The following GPR142 variants were observed in gnomAD, a reference collection of about 807,000 sequenced individuals.
GPR142 encodes G protein-coupled receptor 142, also known as G-protein coupled receptor 142 long form.
GPR142 carries 9 observed loss-of-function variants against 10.6 expected under a neutral mutation model. The observed-to-expected ratio is 0.85, with a 90% CI of 0.51 to 1.48. The LOEUF (loss-of-function observed/expected upper bound fraction) is 1.48. Among genes scored for constraint, GPR142 ranks in the 40% most tolerant of loss-of-function variants. GPR142 has a pLI of 0.00. For missense variants in GPR142, 482 were observed against 506.0 expected (o/e 0.95, Z 0.45); for synonymous variants, 202 against 221.2 (o/e 0.91, Z 0.77).
At chr17:74,370,753 C>A in intron 3 of GPR142, 74 bp downstream of exon 3, 1 of 1,443,928 alleles carries the variant, frequency 6.9e-7, no homozygotes, top group Non-Finnish European at 9.5e-7. Context: ...GGTGCCAGTC[C>A]TCTGTGTTTG....
chr17:74,367,826 C>G, intron 1 of GPR142, 32 bp downstream of exon 1: 1 of 1,544,868 alleles, frequency 6.5e-7, no homozygotes, highest in Non-Finnish European at 8.7e-7. Context: ...CATGGGGCAT[C>G]ATTGTAGCAA....
intron 1 of GPR142, among the ~76,000 whole-genome samples, chr17:74,369,029 C>A (rs1335833392): frequency 6.6e-6 from 1 of 152,138 alleles, no homozygotes; most frequent in Non-Finnish European, 1.5e-5. Context: ...ACCACTCCTA[C>A]CTGGCACGAC....
chr17:74,369,591 G>A lies in GPR142; in HGVS notation c.51G>A (p.Gln17=). Reference sequence around the variant, plus strand: ...CTCAGAAAAAGCCACAGGTGACCCAGGACTCAGGGCCCCAGAGCATGGGGC... The same window carrying A: ...CTCAGAAAAAGCCACAGGTGACCCAAGACTCAGGGCCCCAGAGCATGGGGC... ...GDPQKKPQVT[Q]DSGPQSMGLE... is the part of the protein sequence containing the mutation. The change falls in exon 2 of 4, where the codon CAG becomes CAA. Residue 17 remains glutamine (Q), a synonymous_variant. Coordinates refer to ENST00000582579, the MANE Select transcript of GPR142 (RefSeq NM_001331076.1). 1 of 1,551,588 alleles carries A rather than the reference G, an allele frequency of 6.4e-7. No individual in the cohort carries two copies. The highest frequency in any genetic ancestry group is 1.2e-5 in the South Asian group (1 of 84,048).
chr17:74,369,600 G>A lies in GPR142; in HGVS notation c.60G>A (p.Gly20=), dbSNP rs1398765522. ...QKKPQVTQDS[G]PQSMGLEGRE... is the part of the protein sequence containing the mutation. ...AGCCACAGGTGACCCAGGACTCAGG[G>A]CCCCAGAGCATGGGGCTTGAGGGAC... The change falls in exon 2 of 4, where the codon GGG becomes GGA. Residue 20 remains glycine (G), a synonymous_variant. Coordinates refer to ENST00000582579, the MANE Select transcript of GPR142 (RefSeq NM_001331076.1). 4.5e-6 allele frequency: 7 copies of A among 1,550,954 alleles called. No individual in the cohort carries two copies. The highest frequency in any genetic ancestry group is 4.1e-5 in the African/African-American group (3 of 72,990).
rs765286342 is a variant in GPR142 at position 74,371,846 on chromosome 17, T to C, written c.371T>C (p.Phe124Ser). The change falls in exon 4 of 4, where the codon TTC becomes TCC. Residue 124 changes from phenylalanine to serine, a missense_variant. Transcript: ENST00000582579. ...ATCATCATCCAGGTGGTCATCGTGT[T>C]CGCGGGCTTCCTCCTGCAGGGAGCA... is the stretch of plus-strand genomic sequence containing the variant. ...SDIIIQVVIV[F>S]AGFLLQGAVL... 2 of 1,613,732 alleles carry C rather than the reference T, an allele frequency of 1.2e-6. No individual in the cohort carries two copies. Among genetic ancestry groups the C allele is most frequent in the Admixed American group, 1.7e-5 (1 of 60,018 alleles).
In GPR142 at chr17:74,372,324, G is replaced by T. The variant is rs573254045; in HGVS notation, c.849G>T (p.Ala283=). 6.2e-7 allele frequency: 1 copy of T among 1,613,854 alleles called. No individual in the cohort carries two copies. The highest frequency in any genetic ancestry group is 8.5e-7 in the Non-Finnish European group (1 of 1,179,782). Residue 283 remains alanine, a synonymous_variant, in exon 4 of 4, where the codon GCG becomes GCT. Transcript: ENST00000582579. Reference sequence around the variant, plus strand: ...CCACACTGTTCACCCTCCTGTGGGCGCCCCGGGTCTTCGTCATGCTCTACC... The same window carrying T: ...CCACACTGTTCACCCTCCTGTGGGCTCCCCGGGTCTTCGTCATGCTCTACC... The part of the protein sequence containing the change: ...GITTLFTLLW[A]PRVFVMLYHM...
At position 74,371,763 on chromosome 17, in the gene GPR142, TG is replaced by T; in HGVS notation, c.289del (p.Ala97ProfsTer99). 2 of 1,608,866 alleles carry T rather than the reference TG, an allele frequency of 1.2e-6. No individual in the cohort carries two copies. The highest frequency in any genetic ancestry group is 3.3e-5 in the Admixed American group (2 of 59,980). ...LLTAVALARL[A>X]TRTRRPSYYY... is the part of the protein sequence containing the mutation. ...TGACCGCAGTGGCCCTGGCGCGCCT[TG>T]CCACCAGGACCAGGAGGCCCTCCTA... On this transcript the variant is annotated frameshift_variant, in exon 4 of 4. Coordinates refer to ENST00000582579, the MANE Select transcript of GPR142 (RefSeq NM_001331076.1). LOFTEE classifies it low-confidence loss of function (END_TRUNC).
intron 2 of GPR142, among the ~76,000 whole-genome samples, chr17:74,370,088 G>A (rs918998696): frequency 6.6e-6 from 1 of 151,396 alleles, no homozygotes; most frequent in African/African-American, 2.4e-5. Context: ...GGCATCACCC[G>A]GGTCGGAATC....
chr17:74,367,799 G>C lies in GPR142; in HGVS notation c.-74+5G>C, dbSNP rs776330900. On this transcript the variant is annotated splice_donor_5th_base_variant and intron_variant, in intron 1 of 3. Coordinates refer to ENST00000582579, the MANE Select transcript of GPR142 (RefSeq NM_001331076.1). Reference sequence around the variant, plus strand: ...GGCCTTCTATGGGGTGGGATGGTAAGTTGCTGGAAGGACGTGCATGGGGCA... The same window carrying C: ...GGCCTTCTATGGGGTGGGATGGTAACTTGCTGGAAGGACGTGCATGGGGCA... The C allele has an allele frequency of 1.3e-6, 2 of 1,592,340 alleles. No homozygotes were observed. The highest frequency in any genetic ancestry group is 1.7e-6 in the Non-Finnish European group (2 of 1,168,212).
At position 74,372,259 on chromosome 17, in the gene GPR142, C is replaced by A; in HGVS notation, c.784C>A (p.Pro262Thr). 1.9e-6 allele frequency: 3 copies of A among 1,613,594 alleles called. No homozygotes were observed. The highest frequency in any genetic ancestry group is 2.5e-6 in the Non-Finnish European group (3 of 1,179,518). Residue 262 changes from proline to threonine, a missense_variant, in exon 4 of 4, where the codon CCC becomes ACC. Physicochemically the swap from Pro to Thr is conservative, Grantham distance 38. Coordinates refer to ENST00000582579, the MANE Select transcript of GPR142 (RefSeq NM_001331076.1). Reference sequence around the variant, plus strand: ...GAGGAGGGGCCGGAGTGGGCTGCAGCCCCGGGTGGGCAAGAGCACAGCCAT... The same window carrying A: ...GAGGAGGGGCCGGAGTGGGCTGCAGACCCGGGTGGGCAAGAGCACAGCCAT... ...LRRRGRSGLQ[P>T]RVGKSTAILL...
intron 2 of GPR142, 26 bp from the exon 3 acceptor site, chr17:74,370,495 T>A (rs372957050): frequency 2.4e-5 from 38 of 1,589,576 alleles, no homozygotes; most frequent in Non-Finnish European, 3.2e-5. Context: ...CCAGAGGCTC[T>A]GACTCTGCCC....
Position 74,372,310 on chromosome 17 carries a change from A to T in GPR142, c.835A>T (p.Thr279Ser). 1.9e-6 allele frequency: 3 copies of T among 1,613,488 alleles called. No homozygotes were observed. The highest frequency in any genetic ancestry group is 2.5e-6 in the Non-Finnish European group (3 of 1,179,696). Residue 279 changes from threonine to serine, a missense_variant, in exon 4 of 4, where the codon ACC (threonine) becomes TCC (serine). Transcript: ENST00000582579. Reference protein sequence around the residue: ...AILLGITTLFTLLWAPRVFVM... With the variant: ...AILLGITTLFSLLWAPRVFVM... Reference sequence around the variant, plus strand: ...CCTCCTGGGCATCACCACACTGTTCACCCTCCTGTGGGCGCCCCGGGTCTT... The same window carrying T: ...CCTCCTGGGCATCACCACACTGTTCTCCCTCCTGTGGGCGCCCCGGGTCTT...
chr17:74,368,834 C>G lies in GPR142; in HGVS notation c.-73-634C>G, dbSNP rs140082608. On this transcript the variant is annotated intron_variant, in intron 1 of 3. Transcript: ENST00000582579. The stretch of plus-strand genomic sequence containing the variant: ...CAACAGCTTGCAGGACTGTGGTTTC[C>G]CAGCACCGGCTGCAGGCAGCCTCGT... Among the ~76,000 whole-genome samples, 176 of 152,304 alleles carry G rather than the reference C, an allele frequency of 1.2e-3. 1 individual carries two copies. Among genetic ancestry groups the G allele is most frequent in the Middle Eastern group, 6.8e-3 (2 of 294 alleles).
intron 3 of GPR142, among the ~76,000 whole-genome samples, chr17:74,371,092 C>T (rs766717039): frequency 2.6e-5 from 4 of 151,740 alleles, no homozygotes; most frequent in Non-Finnish European, 5.9e-5. Context: ...TGTCTAGGGA[C>T]GCCTCCATTC....
In GPR142 at chr17:74,370,551, C is replaced by A; in HGVS notation, c.125C>A (p.Thr42Lys). The A allele has an allele frequency of 1.2e-6, 2 of 1,612,586 alleles. No individual in the cohort carries two copies. Among genetic ancestry groups the A allele is most frequent in the Non-Finnish European group, 1.7e-6 (2 of 1,179,300 alleles). ...AGQPRVTLLP[T>K]PHVSGLSQEF... ...CAGCCACGAGTGACCCTGCTGCCCA[C>A]GCCCCACGTCAGCGGGCTGAGCCAG... The change falls in exon 3 of 4, where the codon ACG (threonine) becomes AAG (lysine). Residue 42 changes from threonine to lysine, a missense_variant. Physicochemically the swap from Thr to Lys is moderately conservative, Grantham distance 78 (BLOSUM62 -1). Coordinates refer to ENST00000582579, the MANE Select transcript of GPR142 (RefSeq NM_001331076.1).
In GPR142 at chr17:74,369,586, A is replaced by G; in HGVS notation, c.46A>G (p.Thr16Ala). Residue 16 changes from threonine to alanine, a missense_variant, in exon 2 of 4, where the codon ACC (threonine) becomes GCC (alanine). Coordinates refer to ENST00000582579, the MANE Select transcript of GPR142 (RefSeq NM_001331076.1). ...CGDPQKKPQV[T>A]QDSGPQSMGL... ...GGACCCTCAGAAAAAGCCACAGGTG[A>G]CCCAGGACTCAGGGCCCCAGAGCAT... 1.9e-6 allele frequency: 3 copies of G among 1,551,776 alleles called. No individual in the cohort carries two copies. Among genetic ancestry groups the G allele is most frequent in the East Asian group, 2.4e-5 (1 of 40,944 alleles).
Position 74,371,673 on chromosome 17 carries a change from CAG to C in GPR142, c.254-53_254-52del. On this transcript the variant is annotated intron_variant, in intron 3 of 3. Transcript: ENST00000582579. ...GGTGCGATGGCGACACCTTGGAAAG[CAG>C]AGTCTGAGCTCTCTTCTGATGCCTC... 3.3e-6 allele frequency: 5 copies of C among 1,521,390 alleles called. No individual in the cohort carries two copies. In the South Asian group the frequency reaches 4.9e-5, roughly 15 times the overall value. The allele number at this position is 1,521,390 out of a possible 1,614,324, so 94.2% of individuals were successfully genotyped here. A position where few individuals can be genotyped will look rare whatever the true frequency, so the allele number is the denominator to read the frequency against.
At position 74,371,795 on chromosome 17, in the gene GPR142, A is replaced by G. The variant is rs565769162; in HGVS notation, c.320A>G (p.Tyr107Cys). 1.2e-6 allele frequency: 2 copies of G among 1,612,754 alleles called. No individual in the cohort carries two copies. Among genetic ancestry groups the G allele is most frequent in the Non-Finnish European group, 1.7e-6 (2 of 1,179,852 alleles). Residue 107 changes from tyrosine to cysteine, a missense_variant, in exon 4 of 4, where the codon TAC becomes TGC. Physicochemically the swap from Tyr to Cys is radical, Grantham distance 194 (BLOSUM62 -2). Coordinates refer to ENST00000582579, the MANE Select transcript of GPR142 (RefSeq NM_001331076.1). ...ATRTRRPSYY[Y>C]LLALTASDII... Reference sequence around the variant, plus strand: ...AGGACCAGGAGGCCCTCCTACTACTACCTTCTGGCGCTCACAGCCTCGGAT... The same window carrying G: ...AGGACCAGGAGGCCCTCCTACTACTGCCTTCTGGCGCTCACAGCCTCGGAT...
rs1300622076 is a variant in GPR142 at position 74,371,796 on chromosome 17, C to A, written c.321C>A (p.Tyr107Ter). Residue 107 changes from tyrosine (Y) to a stop codon, truncating the protein, a stop_gained, in exon 4 of 4, where the codon TAC becomes TAA. Coordinates refer to ENST00000582579, the MANE Select transcript of GPR142 (RefSeq NM_001331076.1). LOFTEE classifies it low-confidence loss of function (END_TRUNC). The stretch of plus-strand genomic sequence containing the variant: ...GGACCAGGAGGCCCTCCTACTACTA[C>A]CTTCTGGCGCTCACAGCCTCGGATA... ...ATRTRRPSYY[Y>*]LLALTASDII... The A allele has an allele frequency of 6.2e-7, 1 of 1,613,178 alleles. No homozygotes were observed. The highest frequency in any genetic ancestry group is 8.5e-7 in the Non-Finnish European group (1 of 1,179,976).
Sources: gnomAD v4.1 joint callset for allele counts (sites outside exome capture counted in the v4.1 genomes callset) on GRCh38, gnomAD v4.1.1 for gene constraint, MANE v1.5 for transcripts, NCBI Gene and HGNC (gene_info 2026-07-23, HGNC 2026-07-21) for gene names.